Variants in PTGFR observed in about 807,000 individuals in gnomAD.
The protein encoded by PTGFR is prostaglandin F2-alpha receptor.
Under a neutral mutation model 26.2 loss-of-function variants are expected in PTGFR, and 15 were observed. The ratio of observed to expected loss-of-function variants is 0.57; its 90% CI spans 0.38 to 0.88. PTGFR has a LOEUF of 0.88. Ranked by LOEUF, PTGFR falls within the 40% of genes least tolerant of loss-of-function variation. The pLI is 0.00. For synonymous variants in PTGFR, 165 were observed against 151.1 expected, an observed-to-expected ratio of 1.09 and a Z score of -0.68; for missense variants, 369 against 427.2, an observed-to-expected ratio of 0.86 and a Z score of 1.20.
intron 2 of PTGFR, among the ~76,000 whole-genome samples, chr1:78,521,940 A>G (rs1175378209): frequency 6.6e-6 from 1 of 152,084 alleles, no homozygotes; most frequent in Non-Finnish European, 1.5e-5. Flanking sequence ...CGCTCATCTT[A>G]TCTCACAGTT....
intron 2 of PTGFR, among the ~76,000 whole-genome samples, chr1:78,521,944 C>T (rs1650252611): frequency 6.6e-6 from 1 of 152,082 alleles, no homozygotes; most frequent in Non-Finnish European, 1.5e-5. Flanking sequence ...CATCTTATCT[C>T]ACAGTTCTGT....
chr1:78,532,010 G>A (rs530100887), intron 2 of PTGFR, among the ~76,000 whole-genome samples: 1 of 152,116 alleles, frequency 6.6e-6, no homozygotes, highest in Non-Finnish European at 1.5e-5. Context: ...GAGAGATCAA[G>A]AAAGGTTTTC....
chr1:78,521,654 GTT>G (rs1458892032), intron 2 of PTGFR, among the ~76,000 whole-genome samples: 1 of 152,024 alleles, frequency 6.6e-6, no homozygotes, highest in Admixed American at 6.6e-5. Context: ...GGTAACAAAA[GTT>G]TATCTCTTTT....
At chr1:78,503,771 G>C (rs1256140269) in intron 2 of PTGFR, among the ~76,000 whole-genome samples, 5 of 152,120 alleles carry the variant, frequency 3.3e-5, no homozygotes, top group Admixed American at 3.3e-4. Flanking sequence ...GGAGGTAATG[G>C]CTTAGTAATA....
intron 2 of PTGFR, among the ~76,000 whole-genome samples, chr1:78,527,426 G>A (rs1650399113): frequency 6.6e-6 from 1 of 152,028 alleles, no homozygotes; most frequent in African/African-American, 2.4e-5. Flanking sequence ...AAATATACCA[G>A]TAAACGACTG....
At chr1:78,525,330 C>T (rs1381412416) in intron 2 of PTGFR, among the ~76,000 whole-genome samples, 1 of 152,018 alleles carries the variant, frequency 6.6e-6, no homozygotes, top group Non-Finnish European at 1.5e-5. Flanking sequence ...AGGTTTCCCA[C>T]TACCCTCTTG....
rs1649437959 is a variant in PTGFR at position 78,492,769 on chromosome 1, T to G, written c.26T>G (p.Leu9Arg). The G allele has an allele frequency of 6.2e-7, 1 of 1,613,834 alleles. No individual in the cohort carries two copies. Among genetic ancestry groups the G allele is most frequent in the Non-Finnish European group, 8.5e-7 (1 of 1,179,854 alleles). ...ATGTCCATGAACAATTCCAAACAGC[T>G]AGTGTCTCCTGCAGCTGCGCTTCTT... is the stretch of plus-strand genomic sequence containing the variant. Reference protein sequence around the residue: MSMNNSKQLVSPAAALLSN... With the variant: MSMNNSKQRVSPAAALLSN... Residue 9 changes from leucine (L) to arginine (R), a missense_variant, in exon 2 of 3, where the codon CTA becomes CGA. Leu to Arg is a moderately radical substitution (Grantham distance 102). Coordinates refer to ENST00000370757, the MANE Select transcript of PTGFR (RefSeq NM_000959.4).
At chr1:78,532,220 A>G (rs1471044394) in intron 2 of PTGFR, 1 of 406,896 alleles carries the variant, frequency 2.5e-6, no homozygotes, top group Non-Finnish European at 4.9e-6. Flanking sequence ...AAGCGATAAG[A>G]CACTCAACGA....
At chr1:78,531,836 A>G (rs1650514958) in intron 2 of PTGFR, among the ~76,000 whole-genome samples, 1 of 152,112 alleles carries the variant, frequency 6.6e-6, no homozygotes, top group African/African-American at 2.4e-5. Flanking sequence ...TGAGAAAGTT[A>G]AAGACATAGT....
At chr1:78,491,398 G>T (rs1332179722) in intron 1 of PTGFR, among the ~76,000 whole-genome samples, 162 bp downstream of exon 1, 2 of 152,342 alleles carry the variant, frequency 1.3e-5, no homozygotes, top group African/African-American at 2.4e-5. Flanking sequence ...CATAGAGAAA[G>T]AAGGGTACTC....
intron 2 of PTGFR, among the ~76,000 whole-genome samples, chr1:78,507,752 T>G (rs1454523375): frequency 6.6e-6 from 1 of 152,208 alleles, no homozygotes; most frequent in Non-Finnish European, 1.5e-5. Flanking sequence ...TCCATTCTAA[T>G]GTTTGGTATT....
intron 2 of PTGFR, among the ~76,000 whole-genome samples, chr1:78,506,284 C>T (rs1187897199): frequency 6.6e-6 from 1 of 151,756 alleles, no homozygotes; most frequent in Non-Finnish European, 1.5e-5. Flanking sequence ...GTTACATTTT[C>T]TTAATGTTGA....
intron 2 of PTGFR, among the ~76,000 whole-genome samples, chr1:78,530,721 T>C (rs992874179): frequency 6.6e-6 from 1 of 152,190 alleles, no homozygotes; most frequent in Non-Finnish European, 1.5e-5. Context: ...GCCTGAAACA[T>C]AGTAAGTACT....
chr1:78,498,390 T>C (rs1266692925), intron 2 of PTGFR, among the ~76,000 whole-genome samples: 1 of 152,156 alleles, frequency 6.6e-6, no homozygotes, highest in African/African-American at 2.4e-5. Context: ...ACAATATAAA[T>C]GTGTACATAT....
At chr1:78,533,882 A>G (rs1650583230) in intron 2 of PTGFR, among the ~76,000 whole-genome samples, 1 of 152,164 alleles carries the variant, frequency 6.6e-6, no homozygotes, top group Admixed American at 6.6e-5. Flanking sequence ...GGCCCAAATG[A>G]ATGGAGATTC....
At chr1:78,534,181 A>G (rs916400037) in intron 2 of PTGFR, among the ~76,000 whole-genome samples, 8 of 152,156 alleles carry the variant, frequency 5.3e-5, no homozygotes, top group African/African-American at 1.9e-4. Context: ...GCTCTTGGAA[A>G]CTGTATGAAA....
intron 2 of PTGFR, among the ~76,000 whole-genome samples, chr1:78,536,087 T>C (rs1650645174): frequency 6.6e-6 from 1 of 152,200 alleles, no homozygotes; most frequent in Non-Finnish European, 1.5e-5. Flanking sequence ...GTGTTGGCTT[T>C]GCATTTACTA....
chr1:78,537,923 T>C lies in PTGFR; in HGVS notation c.*1236T>C, dbSNP rs577232265. 1.6e-4 allele frequency: 24 copies of C among 152,276 alleles called. No homozygotes were observed. Among genetic ancestry groups the C allele is most frequent in the African/African-American group, 5.3e-4 (22 of 41,574 alleles). 9.4% of individuals were successfully genotyped at this position (152,276 alleles called of 1,614,324 possible). On this transcript the variant is annotated 3_prime_UTR_variant, in exon 3 of 3. Coordinates refer to ENST00000370757, the MANE Select transcript of PTGFR (RefSeq NM_000959.4). The stretch of plus-strand genomic sequence containing the variant: ...AAAAGAATTTCAATACCCATTCAAA[T>C]TGTCCTAGGTCTATCAGAAATTAGG...
intron 2 of PTGFR, among the ~76,000 whole-genome samples, chr1:78,524,774 A>G (rs1650327898): frequency 6.6e-6 from 1 of 151,994 alleles, no homozygotes; most frequent in African/African-American, 2.4e-5. Flanking sequence ...AACAAATTAG[A>G]CTACACAATT....
Sources: gnomAD v4.1 joint callset for allele counts (sites outside exome capture counted in the v4.1 genomes callset) on GRCh38, gnomAD v4.1.1 for gene constraint, MANE v1.5 for transcripts, NCBI Gene and HGNC (gene_info 2026-07-23, HGNC 2026-07-21) for gene names.